Variants in EPB41L5 observed in about 807,000 individuals in gnomAD.
EPB41L5 encodes the protein band 4.1-like protein 5.
A neutral mutation model predicts 106.6 loss-of-function variants in EPB41L5; 55 were observed. That is an observed-to-expected ratio of 0.52 (90% CI 0.42 to 0.65). The LOEUF is 0.65. EPB41L5 is among the 30% of genes least tolerant of loss of function. The pLI, the probability that EPB41L5 is intolerant of heterozygous loss-of-function variation, is 0.00. For missense variants in EPB41L5, 871 were observed against 882.1 expected (o/e 0.99, Z 0.16); for synonymous variants, 297 against 306.7 (o/e 0.97, Z 0.33).
chr2:120,020,373 G>T (rs956407957), intron 2 of EPB41L5, among the ~76,000 whole-genome samples: 1 of 152,062 alleles, frequency 6.6e-6, no homozygotes, highest in Non-Finnish European at 1.5e-5. Flanking sequence ...TAATAATTTG[G>T]AATGTATTAG....
rs759054069 is a variant in EPB41L5, at chr2:120,074,129, G to T, written c.358G>T (p.Val120Phe). The T allele has an allele frequency of 6.2e-7, 1 of 1,611,754 alleles. No individual in the cohort carries two copies. Among genetic ancestry groups the T allele is most frequent in the South Asian group, 1.1e-5 (1 of 90,826 alleles). Residue 120 changes from valine to phenylalanine, a missense_variant, in exon 5 of 25, where the codon GTT (valine) becomes TTT (phenylalanine). By Grantham distance (50) the Val-to-Phe change is conservative. Coordinates refer to ENST00000263713, the MANE Select transcript of EPB41L5 (RefSeq NM_020909.4). ...IGSPYCLHLR[V>F]KFYSSEPNNL... is the part of the protein sequence containing the mutation. ...TTCACCCTATTGTCTGCATCTTCGA[G>T]TTAAGTTTTATTCCTCAGAACCAAA...
At position 120,118,930 on chromosome 2, in the gene EPB41L5, T is replaced by G. The variant is rs367849395; in HGVS notation, c.1338-8758T>G. 2.0e-5 allele frequency among the ~76,000 whole-genome samples: 3 copies of G among 152,230 alleles called. No homozygotes were observed. The East Asian group carries it at 5.8e-4, about 29-fold the overall frequency. ...TTGCCACACTGTCTTCCACAGTGGT[T>G]GAACTAATTTACATTCCCACCAACA... On this transcript the variant is annotated intron_variant, in intron 16 of 24. Transcript: ENST00000263713.
chr2:120,137,845 T>C (rs1574739238), intron 18 of EPB41L5, among the ~76,000 whole-genome samples: 1 of 152,090 alleles, frequency 6.6e-6, no homozygotes, highest in Non-Finnish European at 1.5e-5. Context: ...ATTTCCAAAT[T>C]CATTTTATGA....
At position 120,019,179 on chromosome 2, in the gene EPB41L5, A is replaced by T; in HGVS notation, c.95A>T (p.His32Leu). The T allele has an allele frequency of 6.2e-7, 1 of 1,613,952 alleles. No homozygotes were observed. The highest frequency in any genetic ancestry group is 8.5e-7 in the Non-Finnish European group (1 of 1,179,994). Residue 32 changes from histidine (H) to leucine (L), a missense_variant, in exon 2 of 25, where the codon CAT becomes CTT. By Grantham distance (99) the His-to-Leu change is moderately conservative. Coordinates refer to ENST00000263713, the MANE Select transcript of EPB41L5 (RefSeq NM_020909.4). ...CGAGAAGCACAACGCGCCGCCACAC[A>T]TATTCCTGCAGCTGGAGATTCTAAG... ...RLREAQRAAT[H>L]IPAAGDSKSI...
rs1280580377 is a variant in EPB41L5 at position 120,091,615 on chromosome 2, A to C, written c.1104A>C (p.Glu368Asp). ...TNKARRSTSF[E>D]RRPSKRYSRR... ...AAGCAAGAAGATCAACATCCTTTGAAAGAAGGCCCAGCAAACGATATTCTA... is the reference window on the plus strand; with the variant it reads ...AAGCAAGAAGATCAACATCCTTTGACAGAAGGCCCAGCAAACGATATTCTA... Residue 368 changes from glutamate to aspartate, a missense_variant, in exon 13 of 25, where the codon GAA (glutamate) becomes GAC (aspartate). By Grantham distance (45) the Glu-to-Asp change is conservative. Transcript: ENST00000263713. The C allele has an allele frequency of 6.2e-7, 1 of 1,613,904 alleles. No homozygotes were observed. Among genetic ancestry groups the C allele is most frequent in the East Asian group, 2.2e-5 (1 of 44,824 alleles).
chr2:120,083,788 A>G (rs937869611), intron 10 of EPB41L5, among the ~76,000 whole-genome samples: 1 of 152,124 alleles, frequency 6.6e-6, no homozygotes, highest in Non-Finnish European at 1.5e-5. Flanking sequence ...GTGCTCCTGT[A>G]TTGGGTGCAC....
At chr2:120,091,452 A>G in intron 12 of EPB41L5, 103 bp from the exon 13 acceptor site, 1 of 739,560 alleles carries the variant, frequency 1.4e-6, no homozygotes, top group Non-Finnish European at 2.3e-6. Flanking sequence ...GATGAAGTTT[A>G]GGATGATTCT....
intron 10 of EPB41L5, among the ~76,000 whole-genome samples, chr2:120,082,961 C>A (rs1682787325): frequency 6.6e-6 from 1 of 152,092 alleles, no homozygotes; most frequent in South Asian, 2.1e-4. Context: ...TCCCCTTTAT[C>A]ATTTTTTATT....
intron 7 of EPB41L5, among the ~76,000 whole-genome samples, chr2:120,076,496 T>A (rs954350275): frequency 5.2e-4 from 69 of 131,488 alleles, no homozygotes; most frequent in African/African-American, 2.1e-3. Context: ...TTTTTTTTTT[T>A]AGAGACGAGG....
At chr2:120,159,564 A>T (rs1687057096) in intron 20 of EPB41L5, among the ~76,000 whole-genome samples, 1 of 152,196 alleles carries the variant, frequency 6.6e-6, no homozygotes, top group African/African-American at 2.4e-5. Flanking sequence ...TTAAAAATTC[A>T]TATGGAACCA....
At chr2:120,126,180 CAG>C (rs1574718778) in intron 16 of EPB41L5, among the ~76,000 whole-genome samples, 2 of 151,976 alleles carry the variant, frequency 1.3e-5, no homozygotes, top group African/African-American at 4.8e-5. Flanking sequence ...AATATATATA[CAG>C]AGAGTTCCTT....
At chr2:120,133,420 G>A (rs974942276) in intron 18 of EPB41L5, among the ~76,000 whole-genome samples, 1 of 152,138 alleles carries the variant, frequency 6.6e-6, no homozygotes, top group Non-Finnish European at 1.5e-5. Flanking sequence ...GTGTGGTGCT[G>A]AGAGAGAATC....
intron 2 of EPB41L5, among the ~76,000 whole-genome samples, chr2:120,032,086 A>G (rs1678749753): frequency 6.6e-6 from 1 of 152,186 alleles, no homozygotes; most frequent in Non-Finnish European, 1.5e-5. Context: ...ATAAGCAGAT[A>G]AAAATGCTGA....
intron 24 of EPB41L5, among the ~76,000 whole-genome samples, chr2:120,174,591 T>G (rs1360074517): frequency 1.3e-5 from 2 of 152,258 alleles, no homozygotes; most frequent in Non-Finnish European, 2.9e-5. Context: ...AAGTGTGTGT[T>G]TAACATATTT....
chr2:120,018,724 G>C (rs1375858523), intron 1 of EPB41L5, among the ~76,000 whole-genome samples: 1 of 151,898 alleles, frequency 6.6e-6, no homozygotes, highest in Non-Finnish European at 1.5e-5. Flanking sequence ...CCAGCTCACT[G>C]CCGCTTTGAC....
chr2:120,016,378 C>T (rs902974950), intron 1 of EPB41L5, among the ~76,000 whole-genome samples: 12 of 151,382 alleles, frequency 7.9e-5, no homozygotes, highest in Non-Finnish European at 1.5e-4. Context: ...TGCAGTGAGC[C>T]GAGATCGCGC....
Position 120,060,427 on chromosome 2 carries a change from C to T in EPB41L5, c.286-12751C>T, listed in dbSNP as rs190040105. Among the ~76,000 whole-genome samples the T allele has an allele frequency of 2.7e-3, 413 of 152,076 alleles. 2 individuals are homozygous for T. The highest frequency in any genetic ancestry group is 7.0e-3 in the Admixed American group (107 of 15,272). On this transcript the variant is annotated intron_variant, in intron 3 of 24. Coordinates refer to ENST00000263713, the MANE Select transcript of EPB41L5 (RefSeq NM_020909.4). ...AATCATACCATGTAATACTACTCAG[C>T]AATAAAAAGAAAAAACTATTGATAC...
At chr2:120,042,995 ATGTGTG>A (rs60253351) in intron 3 of EPB41L5, among the ~76,000 whole-genome samples, 5,564 of 69,782 alleles carry the variant, frequency 0.08, 144 homozygotes, top group African/African-American at 0.091. Context: ...TTTTCTGGAA[ATGTGTG>A]TGTGTGTGTG....
chr2:120,128,001 T>A, intron 17 of EPB41L5, 150 bp downstream of exon 17: 1 of 574,786 alleles, frequency 1.7e-6, no homozygotes, highest in South Asian at 4.0e-5. Flanking sequence ...CTTTTTGACT[T>A]AAGGTAACAC....
Sources: allele counts gnomAD v4.1 joint callset (sites outside exome capture counted in the v4.1 genomes callset), GRCh38; gene constraint gnomAD v4.1.1; transcripts MANE v1.5; gene names NCBI Gene and HGNC (gene_info 2026-07-23, HGNC 2026-07-21).